Variants in DPY19L4 observed in about 807,000 individuals in gnomAD.
DPY19L4 encodes probable C-mannosyltransferase DPY19L4.
In DPY19L4, 97 loss-of-function variants were observed where a neutral mutation model predicts 102.8. That is an observed-to-expected ratio of 0.94 (90% confidence interval 0.80 to 1.12). DPY19L4 has a LOEUF of 1.12. Ranked by LOEUF, DPY19L4 falls within the 50% of genes most tolerant of loss-of-function variation. The probability of loss-of-function intolerance (pLI) is 0.00; values close to 1 mark genes in which losing one functional copy is unlikely to be tolerated. For missense variants in DPY19L4, 815 were observed against 850.4 expected, an observed-to-expected ratio of 0.96 and a Z score of 0.52; for synonymous variants, 252 against 283.1, an observed-to-expected ratio of 0.89 and a Z score of 1.10.
intron 7 of DPY19L4, among the ~76,000 whole-genome samples, chr8:94,758,017 T>A (rs1039830902): frequency 2.6e-5 from 4 of 151,608 alleles, no homozygotes; most frequent in Admixed American, 6.6e-5. Flanking sequence ...GAGGCTGAGG[T>A]GGGAGAATCG....
chr8:94,766,912 C>CA (rs986016122), intron 11 of DPY19L4, among the ~76,000 whole-genome samples: 7 of 151,012 alleles, frequency 4.6e-5, no homozygotes, highest in African/African-American at 1.5e-4. Flanking sequence ...AAACAAAAAA[C>CA]AAAAAAAATT....
chr8:94,787,699 A>C (rs1813712200), intron 17 of DPY19L4, among the ~76,000 whole-genome samples, 195 bp from the exon 18 acceptor site: 1 of 152,050 alleles, frequency 6.6e-6, no homozygotes, highest in Admixed American at 6.6e-5. Flanking sequence ...AGCACCACAT[A>C]ATCCAAACAT....
rs189784718 is a variant in DPY19L4, at chr8:94,741,929, A to G, written c.611+2139A>G. On this transcript the variant is annotated intron_variant, in intron 6 of 18. Transcript: ENST00000414645. ...CCAGTCTGGCAACTAGGAGGACAAG[A>G]TGATTTTTTGTTATGTCAGAAAGTG... Among the ~76,000 whole-genome samples the G allele has an allele frequency of 9.1e-4, 139 of 152,318 alleles. 1 individual carries two copies. The highest frequency in any genetic ancestry group is 3.7e-3 in the Admixed American group (56 of 15,300).
chr8:94,759,140 C>T (rs3924073), intron 7 of DPY19L4, among the ~76,000 whole-genome samples: 2 of 151,946 alleles, frequency 1.3e-5, no homozygotes, highest in Non-Finnish European at 2.9e-5. Flanking sequence ...TTTATTGTGA[C>T]GAGCGAAAGA....
rs558873760 is a variant in DPY19L4, at chr8:94,765,767, C to T, written c.1059C>T (p.Tyr353=). The change falls in exon 10 of 19, where the codon TAC becomes TAT. Residue 353 remains tyrosine, a synonymous_variant. Coordinates refer to ENST00000414645, the MANE Select transcript of DPY19L4 (RefSeq NM_181787.3). ...AAATAATAAAAGTGATTAATTTTTACTTGGTGTGTACTCTGACAATAACAT... is the reference window on the plus strand; with the variant it reads ...AAATAATAAAAGTGATTAATTTTTATTTGGTGTGTACTCTGACAATAACAT... The part of the protein sequence containing the change: ...VAKIIKVINF[Y]LVCTLTITLN... The T allele has an allele frequency of 6.2e-7, 1 of 1,602,494 alleles. No individual in the cohort carries two copies. The highest frequency in any genetic ancestry group is 1.7e-5 in the Admixed American group (1 of 59,080).
chr8:94,789,708 A>G, intron 18 of DPY19L4, 38 bp from the exon 19 acceptor site: 2 of 1,513,650 alleles, frequency 1.3e-6, no homozygotes, highest in East Asian at 2.3e-5. Context: ...TATAAGCTTA[A>G]TAAGCTTTTT....
chr8:94,726,874 G>C (rs1586304463), intron 2 of DPY19L4, among the ~76,000 whole-genome samples: 2 of 152,162 alleles, frequency 1.3e-5, no homozygotes. Flanking sequence ...CAGGTCACAT[G>C]GTAGTGGGCA....
Position 94,789,730 on chromosome 8 carries a change from T to C in DPY19L4, c.2008-16T>C, listed in dbSNP as rs1041129096. The stretch of plus-strand genomic sequence containing the variant: ...TTAATAAGCTTTTTAATATTATGTT[T>C]TATATCTTTTAATAGATGGTTTGTG... On this transcript the variant is annotated splice_polypyrimidine_tract_variant and intron_variant, in intron 18 of 18. Transcript: ENST00000414645. The C allele has an allele frequency of 6.3e-7, 1 of 1,575,024 alleles. No individual in the cohort carries two copies. The highest frequency in any genetic ancestry group is 8.6e-7 in the Non-Finnish European group (1 of 1,162,868).
chr8:94,770,797 G>A (rs1368828000), intron 13 of DPY19L4, among the ~76,000 whole-genome samples: 3 of 151,910 alleles, frequency 2.0e-5, no homozygotes, highest in African/African-American at 7.3e-5. Flanking sequence ...GGCTGAGGTG[G>A]CAGGATCTCT....
intron 4 of DPY19L4, 58 bp downstream of exon 4, chr8:94,738,517 T>TC: frequency 3.5e-6 from 1 of 282,700 alleles, no homozygotes; most frequent in Non-Finnish European, 5.5e-6. Context: ...TTTTCTTTTC[T>TC]TTTTTTTTTT....
At chr8:94,720,157 G>A (rs941002499) in intron 1 of DPY19L4, 143 bp downstream of exon 1, 23 of 1,374,868 alleles carry the variant, frequency 1.7e-5, no homozygotes, top group Non-Finnish European at 4.7e-6. Context: ...GGAGCGCGGC[G>A]CCCAGGAGAG....
Position 94,765,151 on chromosome 8 carries a change from T to G in DPY19L4, c.871-32T>G, listed in dbSNP as rs765957357. On this transcript the variant is annotated intron_variant, in intron 8 of 18. Transcript: ENST00000414645. The stretch of plus-strand genomic sequence containing the variant: ...AAAATATGTATGATAAAATATAACT[T>G]ATTCTCACTTATTTTATTTTTGTCA... 3.7e-6 allele frequency: 5 copies of G among 1,335,660 alleles called. No homozygotes were observed. The South Asian group carries it at 6.6e-5, about 18-fold the overall frequency. The allele number at this position is 1,335,660 out of a possible 1,614,324, so 82.7% of individuals were successfully genotyped here. A position where few individuals can be genotyped will look rare whatever the true frequency, so the allele number is the denominator to read the frequency against.
chr8:94,734,550 T>C, intron 2 of DPY19L4, 80 bp from the exon 3 acceptor site: 1 of 1,432,886 alleles, frequency 7.0e-7, no homozygotes, highest in Non-Finnish European at 9.4e-7. Flanking sequence ...ACAAAGACCA[T>C]AGAGGTAGAA....
chr8:94,722,807 C>A (rs1810525277), intron 1 of DPY19L4, among the ~76,000 whole-genome samples: 1 of 152,148 alleles, frequency 6.6e-6, no homozygotes, highest in African/African-American at 2.4e-5. Context: ...CAGGTGTTCT[C>A]CGCGTCCCAT....
intron 11 of DPY19L4, among the ~76,000 whole-genome samples, chr8:94,767,718 G>A (rs1354214728): frequency 6.6e-6 from 1 of 151,984 alleles, no homozygotes; most frequent in Non-Finnish European, 1.5e-5. Context: ...TTTAAAATGG[G>A]TCCTAGTTGA....
Position 94,775,457 on chromosome 8 carries a change from C to G in DPY19L4, c.1455-2209C>G, listed in dbSNP as rs144509690. 1.4e-4 allele frequency among the ~76,000 whole-genome samples: 22 copies of G among 152,308 alleles called. No individual in the cohort carries two copies. In the East Asian group the frequency reaches 4.2e-3, roughly 29 times the overall value. On this transcript the variant is annotated intron_variant, in intron 13 of 18. Coordinates refer to ENST00000414645, the MANE Select transcript of DPY19L4 (RefSeq NM_181787.3). ...AAAGTGCTGGGATTACAGGTGTGAG[C>G]CACTGCACCCAGCCTCTTAATTTTT...
In DPY19L4 at chr8:94,791,397, T is replaced by G. The variant is rs1813881631; in HGVS notation, c.*1487T>G. 1 of 152,206 alleles carries G rather than the reference T, an allele frequency of 6.6e-6. No individual in the cohort carries two copies. Among genetic ancestry groups the G allele is most frequent in the South Asian group, 2.1e-4 (1 of 4,834 alleles). The allele number at this position is 152,206 out of a possible 1,614,324, so 9.4% of individuals were successfully genotyped here. A position where few individuals can be genotyped will look rare whatever the true frequency, so the allele number is the denominator to read the frequency against. On this transcript the variant is annotated 3_prime_UTR_variant, in exon 19 of 19. Transcript: ENST00000414645. ...TTGGAGCTGAAGAATTGTTTGATGG[T>G]GATGTCATATATCTGATAGATTAGT...
Position 94,764,058 on chromosome 8 carries a change from A to T in DPY19L4, c.871-1125A>T, listed in dbSNP as rs1471770649. Among the ~76,000 whole-genome samples the T allele has an allele frequency of 2.6e-5, 4 of 152,314 alleles. No individual in the cohort carries two copies. In the East Asian group the frequency reaches 5.8e-4, roughly 22 times the overall value. ...TTGTTATGCTCACTAGTTGGACCAAAAACAATACTTTACTCTGATGGTGCA... is the reference window on the plus strand; with the variant it reads ...TTGTTATGCTCACTAGTTGGACCAATAACAATACTTTACTCTGATGGTGCA... On this transcript the variant is annotated intron_variant, in intron 8 of 18. Transcript: ENST00000414645.
At chr8:94,774,449 C>T (rs1468121154) in intron 13 of DPY19L4, among the ~76,000 whole-genome samples, 1 of 152,210 alleles carries the variant, frequency 6.6e-6, no homozygotes, top group East Asian at 1.9e-4. Flanking sequence ...AGTATATTCA[C>T]ACATTGTTGT....
Sources: gnomAD v4.1 joint callset for allele counts (sites outside exome capture counted in the v4.1 genomes callset) on GRCh38, gnomAD v4.1.1 for gene constraint, MANE v1.5 for transcripts, NCBI Gene and HGNC (gene_info 2026-07-23, HGNC 2026-07-21) for gene names.